The following GALK2 variants were observed in gnomAD, a reference collection of about 807,000 sequenced individuals.
GALK2 encodes the protein N-acetylgalactosamine kinase.
A neutral mutation model predicts 52.4 loss-of-function variants in GALK2; 36 were observed. That is an observed-to-expected ratio of 0.69 (90% CI 0.53 to 0.91). GALK2 has a LOEUF of 0.91. Among genes scored for constraint, GALK2 ranks in the 40% least tolerant of loss-of-function variants. GALK2 has a pLI of 0.00. For missense variants in GALK2, 579 were observed against 559.1 expected, an observed-to-expected ratio of 1.04 and a Z score of -0.36; for synonymous variants, 176 against 199.1, an observed-to-expected ratio of 0.88 and a Z score of 0.98.
At position 49,329,297 on chromosome 15, in the gene GALK2, T is replaced by C; in HGVS notation, c.*1138T>C. On this transcript the variant is annotated 3_prime_UTR_variant, in exon 10 of 10. Transcript: ENST00000560031. ...TGATGGCAAATGACTGGCTTTCTCTTGTGGATGGACTATAGGAAGCACTTT... is the reference window on the plus strand; with the variant it reads ...TGATGGCAAATGACTGGCTTTCTCTCGTGGATGGACTATAGGAAGCACTTT... 2 of 985,466 alleles carry C rather than the reference T, an allele frequency of 2.0e-6. No individual in the cohort carries two copies. The highest frequency in any genetic ancestry group is 2.4e-6 in the Non-Finnish European group (2 of 829,956). 61.0% of individuals were successfully genotyped at this position (985,466 alleles called of 1,614,324 possible).
At chr15:49,266,447 C>T (rs530279991) in intron 5 of GALK2, among the ~76,000 whole-genome samples, 1 of 152,318 alleles carries the variant, frequency 6.6e-6, no homozygotes, top group East Asian at 1.9e-4. Flanking sequence ...CAGGAATGCA[C>T]AGAAACCTAA....
At chr15:49,296,823 A>AGT (rs1287735020) in intron 8 of GALK2, among the ~76,000 whole-genome samples, 10 of 151,732 alleles carry the variant, frequency 6.6e-5, no homozygotes, top group Admixed American at 6.6e-5. Flanking sequence ...CTGGTCTCGA[A>AGT]CTCCTGACCT....
chr15:49,263,698 C>T (rs1481582242), intron 5 of GALK2, among the ~76,000 whole-genome samples: 6 of 129,436 alleles, frequency 4.6e-5, no homozygotes, highest in African/African-American at 9.3e-5. Flanking sequence ...GATTTTGCAG[C>T]GGCTGGTACT....
chr15:49,163,642 G>A (rs903124285), intron 1 of GALK2, among the ~76,000 whole-genome samples: 1 of 152,296 alleles, frequency 6.6e-6, no homozygotes, highest in Non-Finnish European at 1.5e-5. Context: ...CAGTTTAATT[G>A]TCAGCATAAT....
chr15:49,318,630 A>AAT (rs575508200), intron 8 of GALK2, among the ~76,000 whole-genome samples: 281 of 151,716 alleles, frequency 1.9e-3, no homozygotes, highest in Non-Finnish European at 3.0e-3. Context: ...ATAATGCTGC[A>AAT]ATATATATAT....
chr15:49,266,645 G>A (rs2092371816), intron 5 of GALK2, among the ~76,000 whole-genome samples: 1 of 152,192 alleles, frequency 6.6e-6, no homozygotes, highest in African/African-American at 2.4e-5. Context: ...TCCCCATTGG[G>A]AAGATTTTTC....
intron 3 of GALK2, among the ~76,000 whole-genome samples, chr15:49,234,772 T>G (rs543288812): frequency 6.7e-5 from 10 of 148,278 alleles, no homozygotes; most frequent in African/African-American, 2.5e-4. Flanking sequence ...ATCAGATACT[T>G]TTTTTTTTTT....
chr15:49,183,236 G>T (rs2086103091), intron 1 of GALK2, among the ~76,000 whole-genome samples: 1 of 151,616 alleles, frequency 6.6e-6, no homozygotes. Context: ...GTCTTTCCAT[G>T]TTTAGATGCA....
intron 1 of GALK2, among the ~76,000 whole-genome samples, chr15:49,183,228 C>A (rs1385061353): frequency 6.6e-6 from 1 of 151,980 alleles, no homozygotes; most frequent in Admixed American, 6.5e-5. Flanking sequence ...TTTCTCTTGT[C>A]TTTCCATGTT....
intron 1 of GALK2, among the ~76,000 whole-genome samples, chr15:49,176,901 A>G (rs1209607362): frequency 6.6e-6 from 1 of 152,158 alleles, no homozygotes; most frequent in Non-Finnish European, 1.5e-5. Flanking sequence ...TATAAAAAGA[A>G]AATACCACTT....
intron 3 of GALK2, chr15:49,366,093 A>G: frequency 2.3e-6 from 2 of 888,524 alleles, no homozygotes; most frequent in East Asian, 4.8e-5. Context: ...ACTGCTTTCA[A>G]GTTTTCCAAT....
rs543636202 is a variant in GALK2, at chr15:49,183,875, G to A, written c.53+13500G>A. ...AAAAAAAAAAAAAAGGACTAGTTTT[G>A]TGGCCTAACATATGGTCTGTTTTTG... On this transcript the variant is annotated intron_variant, in intron 1 of 9. Coordinates refer to ENST00000560031, the MANE Select transcript of GALK2 (RefSeq NM_002044.4). 3.3e-5 allele frequency among the ~76,000 whole-genome samples: 5 copies of A among 150,368 alleles called. No individual in the cohort carries two copies. In the East Asian group the frequency reaches 9.8e-4, roughly 29 times the overall value.
At chr15:49,178,685 A>G (rs2085720714) in intron 1 of GALK2, 1 of 219,730 alleles carries the variant, frequency 4.6e-6, no homozygotes, top group Non-Finnish European at 9.6e-6. Context: ...AAGAAAGTGC[A>G]TGGTATCAGA....
At chr15:49,293,823 G>A (rs2034178449) in intron 8 of GALK2, among the ~76,000 whole-genome samples, 1 of 152,076 alleles carries the variant, frequency 6.6e-6, no homozygotes. Context: ...CTTAAGGCCG[G>A]GTGCAGGGGC....
At chr15:49,234,372 A>C (rs1595772971) in intron 3 of GALK2, among the ~76,000 whole-genome samples, 1 of 152,328 alleles carries the variant, frequency 6.6e-6, no homozygotes, top group Admixed American at 6.5e-5. Flanking sequence ...TCATTTGATT[A>C]AGGTGGCATC....
chr15:49,292,914 G>A (rs1021564477), intron 8 of GALK2, among the ~76,000 whole-genome samples: 3 of 152,066 alleles, frequency 2.0e-5, no homozygotes, highest in East Asian at 1.9e-4. Flanking sequence ...AAGTGTTCAC[G>A]TCTTAGGTTG....
upstream of GALK2, among the ~76,000 whole-genome samples, chr15:49,168,695 G>A (rs2084905910): frequency 6.7e-6 from 1 of 150,142 alleles, no homozygotes; most frequent in Non-Finnish European, 1.5e-5. Context: ...TCCAGCCTGG[G>A]CAACAAAGAG....
intron 5 of GALK2, among the ~76,000 whole-genome samples, chr15:49,281,408 T>G (rs926659537): frequency 1.3e-5 from 2 of 152,220 alleles, no homozygotes; most frequent in African/African-American, 4.8e-5. Flanking sequence ...AGGAAGCCAT[T>G]AAAGATTCTT....
chr15:49,261,411 T>G (rs1288281076), intron 5 of GALK2, among the ~76,000 whole-genome samples: 4 of 149,562 alleles, frequency 2.7e-5, no homozygotes, highest in Non-Finnish European at 6.0e-5. Context: ...TTTTGTACAT[T>G]GATTTTGTAT....
Sources: gnomAD v4.1 joint callset for allele counts (sites outside exome capture counted in the v4.1 genomes callset) on GRCh38, gnomAD v4.1.1 for gene constraint, MANE v1.5 for transcripts, NCBI Gene and HGNC (gene_info 2026-07-23, HGNC 2026-07-21) for gene names.